Variants in TIGD1 observed in about 807,000 individuals in gnomAD.
The protein encoded by TIGD1 is tigger transposable element derived 1.
A neutral mutation model predicts 21.3 loss-of-function variants in TIGD1; 20 were observed. That is an observed-to-expected ratio of 0.94 (90% CI 0.66 to 1.36). The LOEUF (loss-of-function observed/expected upper bound fraction) is 1.36, where lower values mean the gene tolerates loss of function less well. Ranked by LOEUF, TIGD1 falls within the 40% of genes most tolerant of loss-of-function variation. The probability of loss-of-function intolerance (pLI) is 0.00; values close to 1 mark genes in which losing one functional copy is unlikely to be tolerated. For missense variants in TIGD1, 556 were observed against 350.5 expected (o/e 1.59, Z -4.68); for synonymous variants, 177 against 123.2 (o/e 1.44, Z -2.89).
Position 232,546,966 on chromosome 2 carries a change from G to GGCAATAA in TIGD1, c.*1140_*1141insTTATTGC, listed in dbSNP as rs11282094. 0.48 allele frequency among the ~76,000 whole-genome samples: 73,064 copies of GGCAATAA among 151,476 alleles called. 18,074 individuals carry two copies. The highest frequency in any genetic ancestry group is 0.63 in the East Asian group (3,206 of 5,108). On this transcript the variant is annotated 3_prime_UTR_variant, in exon 1 of 1. Transcript: ENST00000408957. ...CTTGACCCCACTAATCAGGTAGTAA[G>GGCAATAA]GCTGGGGTCTTCCTGGGGGAGAGGC...
In TIGD1 at chr2:232,544,371, T is replaced by C. The variant is rs1275084772; in HGVS notation, c.*3736A>G. On this transcript the variant is annotated 3_prime_UTR_variant, in exon 1 of 1. Transcript: ENST00000408957. Reference sequence around the variant, plus strand: ...GTGAAGCCACCCCCTCTCTAGGTGTTCCTGAGGCTCTTGCCCCAGCTGCTG... The same window carrying C: ...GTGAAGCCACCCCCTCTCTAGGTGTCCCTGAGGCTCTTGCCCCAGCTGCTG... The C allele has an allele frequency of 1.2e-6, 2 of 1,612,956 alleles. No individual in the cohort carries two copies. Among genetic ancestry groups the C allele is most frequent in the Non-Finnish European group, 1.7e-6 (2 of 1,179,836 alleles).
Position 232,544,418 on chromosome 2 carries a change from G to A in TIGD1, c.*3689C>T. On this transcript the variant is annotated 3_prime_UTR_variant, in exon 1 of 1. Transcript: ENST00000408957. ...GCTGAGGATGCACGTTCGCCCGCTG[G>A]CCCCGGCAGCTGTGCAGGACACCCA... The A allele has an allele frequency of 6.2e-7, 1 of 1,613,600 alleles. No individual in the cohort carries two copies.
rs767869503 is a variant in TIGD1, at chr2:232,550,460, G to A, written c.-578C>T. The A allele has an allele frequency of 5.5e-5, 29 of 523,590 alleles. No homozygotes were observed. The highest frequency in any genetic ancestry group is 8.9e-5 in the Non-Finnish European group (26 of 291,746). The allele number at this position is 523,590 out of a possible 1,614,324, so 32.4% of individuals were successfully genotyped here. On this transcript the variant is annotated 5_prime_UTR_variant, in exon 1 of 1. Transcript: ENST00000408957. ...TCCGAGCCGCTGCGGGAGGGGGCCAGGACACGCTCCCTTAGGAGAGCGGGC... is the reference window on the plus strand; with the variant it reads ...TCCGAGCCGCTGCGGGAGGGGGCCAAGACACGCTCCCTTAGGAGAGCGGGC...
At position 232,545,632 on chromosome 2, in the gene TIGD1, C is replaced by A; in HGVS notation, c.*2475G>T. The A allele has an allele frequency of 6.2e-7, 1 of 1,614,136 alleles. No individual in the cohort carries two copies. Among genetic ancestry groups the A allele is most frequent in the Non-Finnish European group, 8.5e-7 (1 of 1,180,024 alleles). ...CGCTCTTCATCTGTGGCACAGCTGG[C>A]ATCTTCCTCATGGCCCACTACAACC... On this transcript the variant is annotated 3_prime_UTR_variant, in exon 1 of 1. Coordinates refer to ENST00000408957, the MANE Select transcript of TIGD1 (RefSeq NM_145702.4).
chr2:232,549,448 G>A lies in TIGD1; in HGVS notation c.435C>T (p.Phe145=). 1 of 661,794 alleles carries A rather than the reference G, an allele frequency of 1.5e-6. No individual in the cohort carries two copies. The highest frequency in any genetic ancestry group is 2.7e-6 in the Non-Finnish European group (1 of 369,934). The allele number at this position is 661,794 out of a possible 1,614,324, so 41.0% of individuals were successfully genotyped here. A position where few individuals can be genotyped will look rare whatever the true frequency, so the allele number is the denominator to read the frequency against. Residue 145 remains phenylalanine (F), a synonymous_variant, in exon 1 of 1, where the codon TTC becomes TTT. Transcript: ENST00000408957. ...CTTCACCTTGTGCTTTTATGTTATG[G>A]AAATGGCTTCTTTCCTTAAACCTCA... The part of the protein sequence containing the change: ...WFMRFKERSH[F]HNIKAQGEAA...
At position 232,544,947 on chromosome 2, in the gene TIGD1, C is replaced by T. The variant is rs2106223262; in HGVS notation, c.*3160G>A. 6.2e-7 allele frequency: 1 copy of T among 1,612,268 alleles called. No homozygotes were observed. The highest frequency in any genetic ancestry group is 8.5e-7 in the Non-Finnish European group (1 of 1,179,304). ...GGTGGAGGTGGAGTGAGTACCTGGG[C>T]TTGGAACCGTGATAGAGACAGGATG... is the stretch of plus-strand genomic sequence containing the variant. On this transcript the variant is annotated 3_prime_UTR_variant, in exon 1 of 1. Coordinates refer to ENST00000408957, the MANE Select transcript of TIGD1 (RefSeq NM_145702.4).
Position 232,548,166 on chromosome 2 carries a change from T to C in TIGD1, c.1717A>G (p.Thr573Ala), listed in dbSNP as rs545746808. ...GCTGGTGGAGGGTCTTGCCTCGAGGTTGATGGTTGCTGACTGGTCAGGGTG... is the reference window on the plus strand; with the variant it reads ...GCTGGTGGAGGGTCTTGCCTCGAGGCTGATGGTTGCTGACTGGTCAGGGTG... ...ATTLTSQQPS[T>A]SRQDPPPAKR... Residue 573 changes from threonine to alanine, a missense_variant, in exon 1 of 1, where the codon ACC (threonine) becomes GCC (alanine). Physicochemically the swap from Thr to Ala is moderately conservative, Grantham distance 58. Coordinates refer to ENST00000408957, the MANE Select transcript of TIGD1 (RefSeq NM_145702.4). 40 of 1,424,996 alleles carry C rather than the reference T, an allele frequency of 2.8e-5. No individual in the cohort carries two copies. The East Asian group carries it at 9.0e-4, about 32-fold the overall frequency. The allele number at this position is 1,424,996 out of a possible 1,614,324, so 88.3% of individuals were successfully genotyped here.
At position 232,544,657 on chromosome 2, in the gene TIGD1, GC is replaced by G; in HGVS notation, c.*3449del. Reference sequence around the variant, plus strand: ...GGGGAGCCAGGCACAGCAGATGAGTGCTGGAGAAGTGCCCAGGTCAGGGAGA... The same window carrying G: ...GGGGAGCCAGGCACAGCAGATGAGTGTGGAGAAGTGCCCAGGTCAGGGAGA... On this transcript the variant is annotated 3_prime_UTR_variant, in exon 1 of 1. Transcript: ENST00000408957. 1 of 1,564,502 alleles carries G rather than the reference GC, an allele frequency of 6.4e-7. No individual in the cohort carries two copies. The highest frequency in any genetic ancestry group is 8.8e-7 in the Non-Finnish European group (1 of 1,137,034).
rs755190809 is a variant in TIGD1 at position 232,550,519 on chromosome 2, G to T, written c.-637C>A. Reference sequence around the variant, plus strand: ...AGGACCTGGACAGAGGCAGAACTGAGGCCAGCAGCCAGCTCCGCCGCTGAG... The same window carrying T: ...AGGACCTGGACAGAGGCAGAACTGATGCCAGCAGCCAGCTCCGCCGCTGAG... On this transcript the variant is annotated 5_prime_UTR_variant, in exon 1 of 1. Transcript: ENST00000408957. The T allele has an allele frequency of 4.7e-6, 3 of 635,522 alleles. No individual in the cohort carries two copies. Among genetic ancestry groups the T allele is most frequent in the Non-Finnish European group, 8.2e-6 (3 of 363,786 alleles). 39.4% of individuals were successfully genotyped at this position (635,522 alleles called of 1,614,324 possible). A position where few individuals can be genotyped will look rare whatever the true frequency, so the allele number is the denominator to read the frequency against.
rs1156427198 is a variant in TIGD1, at chr2:232,545,318, CAAA to C, written c.*2786_*2788del. On this transcript the variant is annotated 3_prime_UTR_variant, in exon 1 of 1. Coordinates refer to ENST00000408957, the MANE Select transcript of TIGD1 (RefSeq NM_145702.4). ...AAGAGTGAGACGTGAGACTCCGTCT[CAAA>C]AAAAAAAAAAAGGAAAGAAAGAAAG... is the stretch of plus-strand genomic sequence containing the variant. Among the ~76,000 whole-genome samples, 3 of 64,726 alleles carry C rather than the reference CAAA, an allele frequency of 4.6e-5. No individual in the cohort carries two copies. Among genetic ancestry groups the C allele is most frequent in the Non-Finnish European group, 9.4e-5 (3 of 32,016 alleles). 42.5% of individuals were successfully genotyped at this position (64,726 alleles called of 152,430 possible). A position where few individuals can be genotyped will look rare whatever the true frequency, so the allele number is the denominator to read the frequency against.
In TIGD1 at chr2:232,550,447, C is replaced by A. The variant is rs1692258619; in HGVS notation, c.-565G>T. The A allele has an allele frequency of 4.1e-6, 2 of 492,948 alleles. No individual in the cohort carries two copies. Among genetic ancestry groups the A allele is most frequent in the South Asian group, 7.2e-5 (2 of 27,922 alleles). The allele number at this position is 492,948 out of a possible 1,614,324, so 30.5% of individuals were successfully genotyped here. A position where few individuals can be genotyped will look rare whatever the true frequency, so the allele number is the denominator to read the frequency against. On this transcript the variant is annotated 5_prime_UTR_variant, in exon 1 of 1. Coordinates refer to ENST00000408957, the MANE Select transcript of TIGD1 (RefSeq NM_145702.4). ...GTGCTGCCTTTTTTCCGAGCCGCTG[C>A]GGGAGGGGGCCAGGACACGCTCCCT...
chr2:232,549,920 T>G lies in TIGD1; in HGVS notation c.-38A>C. 1 of 1,168,888 alleles carries G rather than the reference T, an allele frequency of 8.6e-7. No homozygotes were observed. The allele number at this position is 1,168,888 out of a possible 1,614,324, so 72.4% of individuals were successfully genotyped here. A position where few individuals can be genotyped will look rare whatever the true frequency, so the allele number is the denominator to read the frequency against. On this transcript the variant is annotated 5_prime_UTR_variant, in exon 1 of 1. Coordinates refer to ENST00000408957, the MANE Select transcript of TIGD1 (RefSeq NM_145702.4). ...AATTCGCCTAATCTCAATATTGTTG[T>G]GTCTCAGGGAATAGGGAGGCCCAAG... is the stretch of plus-strand genomic sequence containing the variant.
Position 232,548,976 on chromosome 2 carries a change from T to C in TIGD1, c.907A>G (p.Asn303Asp), listed in dbSNP as rs1421945597. 4.3e-6 allele frequency: 3 copies of C among 693,748 alleles called. No homozygotes were observed. The East Asian group carries it at 8.2e-5, about 19-fold the overall frequency. The allele number at this position is 693,748 out of a possible 1,614,324, so 43.0% of individuals were successfully genotyped here. Residue 303 changes from asparagine to aspartate, a missense_variant, in exon 1 of 1, where the codon AAT becomes GAT. Physicochemically the swap from Asn to Asp is conservative, Grantham distance 23. Transcript: ENST00000408957. ...IPFKILLLID[N>D]APSHPRALME... The stretch of plus-strand genomic sequence containing the variant: ...AGAGCTCTTGGATGACTAGGGGCAT[T>C]GTCAATGAGCAGTAATATTTTGAAA...
rs977371831 is a variant in TIGD1, at chr2:232,548,721, G to A, written c.1162C>T (p.Arg388Cys). 1.0e-5 allele frequency: 5 copies of A among 496,398 alleles called. No homozygotes were observed. Among genetic ancestry groups the A allele is most frequent in the African/African-American group, 3.8e-5 (2 of 52,244 alleles). The allele number at this position is 496,398 out of a possible 1,614,324, so 30.7% of individuals were successfully genotyped here. A position where few individuals can be genotyped will look rare whatever the true frequency, so the allele number is the denominator to read the frequency against. ...AATTTGACCTCCTCCCATGAATCAC[G>A]AATGTTTTTAATGGCATCTAAAATG... The part of the protein sequence containing the change: ...FTILDAIKNI[R>C]DSWEEVKLST... The change falls in exon 1 of 1, where the codon CGT becomes TGT. Residue 388 changes from arginine to cysteine, a missense_variant. Arg to Cys is a radical substitution (Grantham distance 180). Coordinates refer to ENST00000408957, the MANE Select transcript of TIGD1 (RefSeq NM_145702.4).
In TIGD1 at chr2:232,547,856, A is replaced by G. The variant is rs934480178; in HGVS notation, c.*251T>C. 9.7e-5 allele frequency: 34 copies of G among 351,076 alleles called. No homozygotes were observed. Among genetic ancestry groups the G allele is most frequent in the Middle Eastern group, 7.4e-4 (1 of 1,350 alleles). The allele number at this position is 351,076 out of a possible 1,614,324, so 21.7% of individuals were successfully genotyped here. ...AATGTTAACATTAGCTGCCATTACT[A>G]TAAGTTACTGTCTCATGGGATCCAT... On this transcript the variant is annotated 3_prime_UTR_variant, in exon 1 of 1. Coordinates refer to ENST00000408957, the MANE Select transcript of TIGD1 (RefSeq NM_145702.4).
At position 232,550,040 on chromosome 2, in the gene TIGD1, AC is replaced by A. The variant is rs1692248027; in HGVS notation, c.-159del. 1 of 496,128 alleles carries A rather than the reference AC, an allele frequency of 2.0e-6. No homozygotes were observed. Among genetic ancestry groups the A allele is most frequent in the African/African-American group, 2.0e-5 (1 of 50,516 alleles). The allele number at this position is 496,128 out of a possible 1,614,324, so 30.7% of individuals were successfully genotyped here. A position where few individuals can be genotyped will look rare whatever the true frequency, so the allele number is the denominator to read the frequency against. ...TCTTATAAAAGACGCTGTATGTGGC[AC>A]CCCAAAACAATGACAATAGCAACAT... On this transcript the variant is annotated 5_prime_UTR_variant, in exon 1 of 1. It introduces an in-frame stop codon into an upstream open reading frame of the 5' UTR. Coordinates refer to ENST00000408957, the MANE Select transcript of TIGD1 (RefSeq NM_145702.4).
At position 232,550,546 on chromosome 2, in the gene TIGD1, C is replaced by A; in HGVS notation, c.-664G>T. ...CCAGCAGCCAGCTCCGCCGCTGAGTCCAGCCCTCTGCGCAGCCGCCCTGAG... is the reference window on the plus strand; with the variant it reads ...CCAGCAGCCAGCTCCGCCGCTGAGTACAGCCCTCTGCGCAGCCGCCCTGAG... On this transcript the variant is annotated 5_prime_UTR_variant, in exon 1 of 1. Coordinates refer to ENST00000408957, the MANE Select transcript of TIGD1 (RefSeq NM_145702.4). 1 of 780,508 alleles carries A rather than the reference C, an allele frequency of 1.3e-6. No individual in the cohort carries two copies. Among genetic ancestry groups the A allele is most frequent in the East Asian group, 2.9e-5 (1 of 34,452 alleles). 48.3% of individuals were successfully genotyped at this position (780,508 alleles called of 1,614,324 possible).
chr2:232,548,768 T>C lies in TIGD1; in HGVS notation c.1115A>G (p.Lys372Arg). Residue 372 changes from lysine to arginine, a missense_variant, in exon 1 of 1, where the codon AAA (lysine) becomes AGA (arginine). Physicochemically the swap from Lys to Arg is conservative, Grantham distance 26 (BLOSUM62 2). Transcript: ENST00000408957. The part of the protein sequence containing the change: ...VSDGSGQSKL[K>R]TFWKGFTILD... ...AATGGTGAATCCTTTCCAGAAGGTTTTCAATTTGCTTTGCCCAGATCCATC... is the reference window on the plus strand; with the variant it reads ...AATGGTGAATCCTTTCCAGAAGGTTCTCAATTTGCTTTGCCCAGATCCATC... The C allele has an allele frequency of 1.9e-6, 1 of 529,474 alleles. No homozygotes were observed. The highest frequency in any genetic ancestry group is 1.6e-5 in the South Asian group (1 of 64,138). 32.8% of individuals were successfully genotyped at this position (529,474 alleles called of 1,614,324 possible).
chr2:232,544,573 G>C lies in TIGD1; in HGVS notation c.*3534C>G. 1 of 1,612,706 alleles carries C rather than the reference G, an allele frequency of 6.2e-7. No individual in the cohort carries two copies. The highest frequency in any genetic ancestry group is 8.5e-7 in the Non-Finnish European group (1 of 1,179,424). On this transcript the variant is annotated 3_prime_UTR_variant, in exon 1 of 1. Transcript: ENST00000408957. ...AAGGGCTGGTGGCGGCAGCGCTGGA[G>C]AAGCTAGGTGAGACACACCAGGTGT...
Sources: gnomAD v4.1 joint callset for allele counts (sites outside exome capture counted in the v4.1 genomes callset) on GRCh38, gnomAD v4.1.1 for gene constraint, MANE v1.5 for transcripts, NCBI Gene and HGNC (gene_info 2026-07-23, HGNC 2026-07-21) for gene names.